Variants in KBTBD6 observed in about 807,000 individuals in gnomAD.
The protein encoded by KBTBD6 is kelch repeat and BTB domain containing 6.
In KBTBD6, 6 loss-of-function variants were observed where a neutral mutation model predicts 34.4. That is an observed-to-expected ratio of 0.17 (90% CI 0.10 to 0.34). The LOEUF is 0.34. Ranked by LOEUF, KBTBD6 falls within the 10% of genes least tolerant of loss-of-function variation. KBTBD6 has a pLI of 1.00. For missense variants in KBTBD6, 557 were observed against 856.0 expected (o/e 0.65, Z 4.36); for synonymous variants, 288 against 327.2 (o/e 0.88, Z 1.29).
rs746143630 is a variant in KBTBD6, at chr13:41,131,020, C to T, written c.1492G>A (p.Asp498Asn). 2.7e-5 allele frequency: 44 copies of T among 1,614,004 alleles called. No homozygotes were observed. Among genetic ancestry groups the T allele is most frequent in the Non-Finnish European group, 3.7e-5 (44 of 1,180,022 alleles). The change falls in exon 1 of 1, where the codon GAT (aspartate) becomes AAT (asparagine). Residue 498 changes from aspartate (D) to asparagine (N), a missense_variant. Asp to Asn is a conservative substitution (Grantham distance 23, BLOSUM62 1). Coordinates refer to ENST00000379485, the MANE Select transcript of KBTBD6 (RefSeq NM_152903.5). This position sits in a 1 kb window ranked among gnomAD's most constrained non-coding sequence, Gnocchi z 5.8. Reference protein sequence around the residue: ...ALNSKRMFCYDPSHNMWLKCV... With the variant: ...ALNSKRMFCYNPSHNMWLKCV... ...TTCAGCCACATATTGTGGCTAGGAT[C>T]ATAACAGAACATGCGCTTACTGTTG...
chr13:41,130,742 A>C lies in KBTBD6; in HGVS notation c.1770T>G (p.Ile590Met). The stretch of plus-strand genomic sequence containing the variant: ...CTATATTAATCCATTGGTCTCCCCT[A>C]ATATCATATTCATACACAGTCACCC... ...KNRVTVYEYDIRGDQWINIGT... is the reference protein window; with the variant it reads ...KNRVTVYEYDMRGDQWINIGT... Residue 590 changes from isoleucine (I) to methionine (M), a missense_variant, in exon 1 of 1, where the codon ATT (isoleucine) becomes ATG (methionine). Physicochemically the swap from Ile to Met is conservative, Grantham distance 10. This residue lies in a region of KBTBD6 where 309 missense variants were observed against 504.5 expected (regional missense o/e 0.61). Coordinates refer to ENST00000379485, the MANE Select transcript of KBTBD6 (RefSeq NM_152903.5). The surrounding 1 kb of genome is among the most constrained non-coding windows in gnomAD (Gnocchi z 4.8). The C allele has an allele frequency of 6.2e-7, 1 of 1,614,174 alleles. No homozygotes were observed. Among genetic ancestry groups the C allele is most frequent in the Non-Finnish European group, 8.5e-7 (1 of 1,180,014 alleles).
chr13:41,131,466 A>G lies in KBTBD6; in HGVS notation c.1046T>C (p.Phe349Ser), dbSNP rs1269208663. 6.2e-7 allele frequency: 1 copy of G among 1,614,052 alleles called. No homozygotes were observed. The highest frequency in any genetic ancestry group is 1.3e-5 in the African/African-American group (1 of 74,914). Residue 349 changes from phenylalanine (F) to serine (S), a missense_variant, in exon 1 of 1, where the codon TTT (phenylalanine) becomes TCT (serine). Physicochemically the swap from Phe to Ser is radical, Grantham distance 155. Transcript: ENST00000379485. The surrounding 1 kb of genome is among the most constrained non-coding windows in gnomAD (Gnocchi z 5.8). Reference protein sequence around the residue: ...GMCAKEMVIFFGHPRDPFLCC... With the variant: ...GMCAKEMVIFSGHPRDPFLCC... The stretch of plus-strand genomic sequence containing the variant: ...GAGAAAGGGATCTCTGGGGTGTCCA[A>G]AGAAGATCACCATCTCCTTGGCACA...
At position 41,128,246 on chromosome 13, in the gene KBTBD6, A is replaced by T; in HGVS notation, c.*2241T>A. 1 of 277,700 alleles carries T rather than the reference A, an allele frequency of 3.6e-6. No homozygotes were observed. The highest frequency in any genetic ancestry group is 5.6e-5 in the East Asian group (1 of 17,954). 17.2% of individuals were successfully genotyped at this position (277,700 alleles called of 1,614,324 possible). A position where few individuals can be genotyped will look rare whatever the true frequency, so the allele number is the denominator to read the frequency against. On this transcript the variant is annotated 3_prime_UTR_variant, in exon 1 of 1. Transcript: ENST00000379485. ...TGTCACTAGAAAATAAACACTGAAGAGGAATTAGCATGTTAATGAACAAAG... is the reference window on the plus strand; with the variant it reads ...TGTCACTAGAAAATAAACACTGAAGTGGAATTAGCATGTTAATGAACAAAG...
At position 41,131,325 on chromosome 13, in the gene KBTBD6, T is replaced by C. The variant is rs1181158041; in HGVS notation, c.1187A>G (p.Tyr396Cys). The C allele has an allele frequency of 1.7e-5, 28 of 1,614,036 alleles. No individual in the cohort carries two copies. Among genetic ancestry groups the C allele is most frequent in the Non-Finnish European group, 2.3e-5 (27 of 1,180,014 alleles). ...AVCISPDHDI[Y>C]LAAQPRTDLW... is the part of the protein sequence containing the mutation. ...GTCTGTCCTGGGCTGAGCAGCTAGA[T>C]AGATGTCATGGTCAGGAGAGATACA... Residue 396 changes from tyrosine to cysteine, a missense_variant, in exon 1 of 1, where the codon TAT becomes TGT. Coordinates refer to ENST00000379485, the MANE Select transcript of KBTBD6 (RefSeq NM_152903.5). This position sits in a 1 kb window ranked among gnomAD's most constrained non-coding sequence, Gnocchi z 5.8.
In KBTBD6 at chr13:41,132,153, T is replaced by A; in HGVS notation, c.359A>T (p.Glu120Val). 1 of 1,614,230 alleles carries A rather than the reference T, an allele frequency of 6.2e-7. No individual in the cohort carries two copies. Among genetic ancestry groups the A allele is most frequent in the Non-Finnish European group, 8.5e-7 (1 of 1,180,036 alleles). ...GTAGTCGACCAACACCTCGAAGGAC[T>A]CGGCGTCCACATCGTGCATGGTCAC... is the stretch of plus-strand genomic sequence containing the variant. Reference protein sequence around the residue: ...ASVTMHDVDAESFEVLVDYCY... With the variant: ...ASVTMHDVDAVSFEVLVDYCY... Residue 120 changes from glutamate (E) to valine (V), a missense_variant, in exon 1 of 1, where the codon GAG (glutamate) becomes GTG (valine). By Grantham distance (121) the Glu-to-Val change is moderately radical. Transcript: ENST00000379485.
chr13:41,131,706 T>C lies in KBTBD6; in HGVS notation c.806A>G (p.His269Arg). ...GTAGTCCTGATCTTCTTCAGTGAAG[T>C]GCATCCAGCGCACGCACTTGAAGAC... ...AEVFKCVRWM[H>R]FTEEDQDYLE... is the part of the protein sequence containing the mutation. The change falls in exon 1 of 1, where the codon CAC becomes CGC. Residue 269 changes from histidine to arginine, a missense_variant. By Grantham distance (29) the His-to-Arg change is conservative. Around this residue, in one of 4 missense-constraint regions of KBTBD6, gnomAD observed 309 missense variants for 504.5 expected, o/e 0.61. Transcript: ENST00000379485. This position sits in a 1 kb window ranked among gnomAD's most constrained non-coding sequence, Gnocchi z 5.8. 2 of 1,614,172 alleles carry C rather than the reference T, an allele frequency of 1.2e-6. No homozygotes were observed. The highest frequency in any genetic ancestry group is 4.5e-5 in the East Asian group (2 of 44,884).
chr13:41,128,372 CT>C lies in KBTBD6; in HGVS notation c.*2114del, dbSNP rs1011088596. 1.3e-5 allele frequency: 5 copies of C among 379,410 alleles called. No individual in the cohort carries two copies. The Admixed American group carries it at 1.4e-4, about 10-fold the overall frequency. The allele number at this position is 379,410 out of a possible 1,614,324, so 23.5% of individuals were successfully genotyped here. A position where few individuals can be genotyped will look rare whatever the true frequency, so the allele number is the denominator to read the frequency against. On this transcript the variant is annotated 3_prime_UTR_variant, in exon 1 of 1. Coordinates refer to ENST00000379485, the MANE Select transcript of KBTBD6 (RefSeq NM_152903.5). ...TCATGTCAACCATTATATATTAAAT[CT>C]TCAAGAGGTAAGTACTTCTGTTTTA...
rs151099317 is a variant in KBTBD6 at position 41,127,590 on chromosome 13, T to C, written c.*2897A>G. The C allele has an allele frequency of 2.6e-5, 4 of 152,370 alleles. No individual in the cohort carries two copies. Among genetic ancestry groups the C allele is most frequent in the Admixed American group, 6.5e-5 (1 of 15,304 alleles). The allele number at this position is 152,370 out of a possible 1,614,324, so 9.4% of individuals were successfully genotyped here. A position where few individuals can be genotyped will look rare whatever the true frequency, so the allele number is the denominator to read the frequency against. On this transcript the variant is annotated 3_prime_UTR_variant, in exon 1 of 1. Transcript: ENST00000379485. ...TAAGTTCTGGTACCAGTTTTATTTA[T>C]AATTAACCACATACAAATCACTTTT...
At position 41,129,158 on chromosome 13, in the gene KBTBD6, T is replaced by C. The variant is rs1311448904; in HGVS notation, c.*1329A>G. On this transcript the variant is annotated 3_prime_UTR_variant, in exon 1 of 1. Transcript: ENST00000379485. Reference sequence around the variant, plus strand: ...TCAACGAAATACTGTTTTTAGCTTATATATATTTTCAAAATCAGTATTACC... The same window carrying C: ...TCAACGAAATACTGTTTTTAGCTTACATATATTTTCAAAATCAGTATTACC... 1 of 152,652 alleles carries C rather than the reference T, an allele frequency of 6.6e-6. No homozygotes were observed. The highest frequency in any genetic ancestry group is 6.5e-5 in the Admixed American group (1 of 15,286). 9.5% of individuals were successfully genotyped at this position (152,652 alleles called of 1,614,324 possible).
In KBTBD6 at chr13:41,131,931, G is replaced by A; in HGVS notation, c.581C>T (p.Ser194Phe). Residue 194 changes from serine to phenylalanine, a missense_variant, in exon 1 of 1, where the codon TCC (serine) becomes TTC (phenylalanine). Ser to Phe is a radical substitution (Grantham distance 155, BLOSUM62 -2). Transcript: ENST00000379485. The surrounding 1 kb of genome is among the most constrained non-coding windows in gnomAD (Gnocchi z 5.8). Reference protein sequence around the residue: ...GHRKLRSQAQSYIAQNFKQLS... With the variant: ...GHRKLRSQAQFYIAQNFKQLS... ...TTGCTTGAAGTTCTGAGCTATATAG[G>A]ACTGGGCCTGGGATCGCAGCTTGCG... The A allele has an allele frequency of 1.2e-6, 2 of 1,614,258 alleles. No individual in the cohort carries two copies. The highest frequency in any genetic ancestry group is 1.7e-6 in the Non-Finnish European group (2 of 1,180,050).
chr13:41,132,501 C>T lies in KBTBD6; in HGVS notation c.11G>A (p.Arg4Gln). Residue 4 changes from arginine (R) to glutamine (Q), a missense_variant, in exon 1 of 1, where the codon CGG (arginine) becomes CAG (glutamine). Arg to Gln is a conservative substitution (Grantham distance 43). This residue lies in a region of KBTBD6 where 40 missense variants were observed against 39.9 expected (regional missense o/e 1.00). Coordinates refer to ENST00000379485, the MANE Select transcript of KBTBD6 (RefSeq NM_152903.5). The part of the protein sequence containing the change: MQS[R>Q]EDAPRSRRLA... Reference sequence around the variant, plus strand: ...GCGGCGAGAGCGCGGGGCGTCTTCCCGGGACTGCATGGTGGAGATGGCGAC... The same window carrying T: ...GCGGCGAGAGCGCGGGGCGTCTTCCTGGGACTGCATGGTGGAGATGGCGAC... 9 of 1,613,764 alleles carry T rather than the reference C, an allele frequency of 5.6e-6. No individual in the cohort carries two copies. The highest frequency in any genetic ancestry group is 7.6e-6 in the Non-Finnish European group (9 of 1,179,792).
chr13:41,130,926 C>CA lies in KBTBD6; in HGVS notation c.1585dup (p.Cys529LeufsTer2), dbSNP rs1239455703. 1.2e-6 allele frequency: 2 copies of CA among 1,614,028 alleles called. No individual in the cohort carries two copies. The highest frequency in any genetic ancestry group is 3.3e-5 in the Admixed American group (2 of 60,010). ...GTAGACCTTCATGACTGGGATATCA[C>CA]AGATACAATAGATCTCCTCATTGAA... On this transcript the variant is annotated frameshift_variant, in exon 1 of 1. Transcript: ENST00000379485. LOFTEE classifies it low-confidence loss of function (END_TRUNC). The surrounding 1 kb of genome is among the most constrained non-coding windows in gnomAD (Gnocchi z 4.8).
rs147771080 is a variant in KBTBD6 at position 41,131,186 on chromosome 13, C to T, written c.1326G>A (p.Gly442=). 375 of 1,614,070 alleles carry T rather than the reference C, an allele frequency of 2.3e-4. 1 individual carries two copies. The highest frequency in any genetic ancestry group is 1.7e-3 in the Middle Eastern group (10 of 6,050). Residue 442 remains glycine, a synonymous_variant, in exon 1 of 1, where the codon GGG becomes GGA. Coordinates refer to ENST00000379485, the MANE Select transcript of KBTBD6 (RefSeq NM_152903.5). This position sits in a 1 kb window ranked among gnomAD's most constrained non-coding sequence, Gnocchi z 5.8. ...ACTTAACTCCAGTAATAGGGTCTCGCCCCCCCAAAATGTAGATATAGCCAT... is the reference window on the plus strand; with the variant it reads ...ACTTAACTCCAGTAATAGGGTCTCGTCCCCCCAAAATGTAGATATAGCCAT... The part of the protein sequence containing the change: ...YLNGYIYILG[G]RDPITGVKLK...
Position 41,130,730 on chromosome 13 carries a change from T to C in KBTBD6, c.1782A>G (p.Gln594=), listed in dbSNP as rs180697731. The C allele has an allele frequency of 3.0e-5, 48 of 1,614,222 alleles. No individual in the cohort carries two copies. The highest frequency in any genetic ancestry group is 8.3e-5 in the Admixed American group (5 of 60,028). ...CTAATGTGGTACCTATATTAATCCA[T>C]TGGTCTCCCCTAATATCATATTCAT... ...TVYEYDIRGD[Q]WINIGTTLGL... The change falls in exon 1 of 1, where the codon CAA becomes CAG. Residue 594 remains glutamine (Q), a synonymous_variant. Transcript: ENST00000379485. This position sits in a 1 kb window ranked among gnomAD's most constrained non-coding sequence, Gnocchi z 4.8.
In KBTBD6 at chr13:41,128,035, G is replaced by C. The variant is rs2030023874; in HGVS notation, c.*2452C>G. ...TATTTCACTAAAAGTGATGTTAAAC[G>C]TGAATGTCTTGTAGACTATTTAAAG... On this transcript the variant is annotated 3_prime_UTR_variant, in exon 1 of 1. Transcript: ENST00000379485. The C allele has an allele frequency of 6.6e-6, 1 of 152,246 alleles. No homozygotes were observed. The highest frequency in any genetic ancestry group is 2.1e-4 in the South Asian group (1 of 4,826). The allele number at this position is 152,246 out of a possible 1,614,324, so 9.4% of individuals were successfully genotyped here.
At position 41,132,472 on chromosome 13, in the gene KBTBD6, C is replaced by T. The variant is rs749420183; in HGVS notation, c.40G>A (p.Ala14Thr). The T allele has an allele frequency of 3.1e-6, 5 of 1,614,192 alleles. No homozygotes were observed. Among genetic ancestry groups the T allele is most frequent in the Non-Finnish European group, 4.2e-6 (5 of 1,180,016 alleles). ...GGCCGCTTCCCACCACGGGGACTGGCTAGGCGGCGAGAGCGCGGGGCGTCT... is the reference window on the plus strand; with the variant it reads ...GGCCGCTTCCCACCACGGGGACTGGTTAGGCGGCGAGAGCGCGGGGCGTCT... ...REDAPRSRRL[A>T]SPRGGKRPKK... Residue 14 changes from alanine (A) to threonine (T), a missense_variant, in exon 1 of 1, where the codon GCC becomes ACC. Coordinates refer to ENST00000379485, the MANE Select transcript of KBTBD6 (RefSeq NM_152903.5).
Position 41,130,327 on chromosome 13 carries a change from C to A in KBTBD6, c.*160G>T. On this transcript the variant is annotated 3_prime_UTR_variant, in exon 1 of 1. Transcript: ENST00000379485. This position sits in a 1 kb window ranked among gnomAD's most constrained non-coding sequence, Gnocchi z 4.8. ...GTTAAAATTTGTAACATTAAATTAC[C>A]TTCGTATTTCAAACATTACTTTTTC... 3.6e-6 allele frequency: 2 copies of A among 553,766 alleles called. No homozygotes were observed. Among genetic ancestry groups the A allele is most frequent in the South Asian group, 3.3e-5 (1 of 30,248 alleles). The allele number at this position is 553,766 out of a possible 1,614,324, so 34.3% of individuals were successfully genotyped here.
At position 41,132,419 on chromosome 13, in the gene KBTBD6, C is replaced by G; in HGVS notation, c.93G>C (p.Ser31=). 2 of 1,614,200 alleles carry G rather than the reference C, an allele frequency of 1.2e-6. No individual in the cohort carries two copies. Among genetic ancestry groups the G allele is most frequent in the Non-Finnish European group, 1.7e-6 (2 of 1,180,042 alleles). Residue 31 remains serine (S), a synonymous_variant, in exon 1 of 1, where the codon TCG becomes TCC. Transcript: ENST00000379485. The part of the protein sequence containing the change: ...RPKKIHKPTV[S]AFFTGPEELK... The stretch of plus-strand genomic sequence containing the variant: ...ATTCCTCTGGACCCGTGAAAAAGGC[C>G]GAAACTGTGGGTTTGTGAATCTTCT...
At position 41,130,653 on chromosome 13, in the gene KBTBD6, G is replaced by A. The variant is rs2030071724; in HGVS notation, c.1859C>T (p.Pro620Leu). Residue 620 changes from proline to leucine, a missense_variant, in exon 1 of 1, where the codon CCT becomes CTT. Transcript: ENST00000379485. The surrounding 1 kb of genome is among the most constrained non-coding windows in gnomAD (Gnocchi z 4.8). ...ACTCTGACCAGGTTCAAGGCAGGAA[G>A]GATAAACACGAGCAGAGAGGCAAAA... ...NFFCLSARVY[P>L]SCLEPGQSFL... 7 of 1,614,142 alleles carry A rather than the reference G, an allele frequency of 4.3e-6. No individual in the cohort carries two copies. The highest frequency in any genetic ancestry group is 5.9e-6 in the Non-Finnish European group (7 of 1,180,034).
Sources: allele counts gnomAD v4.1 joint callset, GRCh38; gene constraint gnomAD v4.1.1; regional missense constraint gnomAD v4.1.1; non-coding constraint Gnocchi (gnomAD v3.1); transcripts MANE v1.5; gene names NCBI Gene and HGNC (gene_info 2026-07-23, HGNC 2026-07-21).